The following CAMKMT variants were observed in gnomAD, a reference collection of about 807,000 sequenced individuals.
CAMKMT encodes the protein calmodulin-lysine N-methyltransferase, also known as CaM KMT.
In CAMKMT, 53 loss-of-function variants were observed where a neutral mutation model predicts 48.0. The observed-to-expected ratio is 1.10, with a 90% CI of 0.89 to 1.39. The LOEUF is 1.39. Ranked by LOEUF, CAMKMT falls within the 40% of genes most tolerant of loss-of-function variation. CAMKMT has a pLI of 0.00. For synonymous variants in CAMKMT, 165 were observed against 152.3 expected (o/e 1.08, Z -0.61); for missense variants, 428 against 402.7 (o/e 1.06, Z -0.54).
chr2:44,728,000 G>A (rs1678881968), intron 7 of CAMKMT, among the ~76,000 whole-genome samples: 1 of 152,204 alleles, frequency 6.6e-6, no homozygotes, highest in Non-Finnish European at 1.5e-5. Flanking sequence ...ATGGCTCACA[G>A]CAGCCTCAAC....
intron 3 of CAMKMT, among the ~76,000 whole-genome samples, chr2:44,443,044 G>A (rs1666767856): frequency 6.6e-6 from 1 of 152,130 alleles, no homozygotes; most frequent in Non-Finnish European, 1.5e-5. Flanking sequence ...AGATTTTAGA[G>A]CTTAGGAAAT....
chr2:44,674,301 G>A (rs1374995221), intron 3 of CAMKMT, among the ~76,000 whole-genome samples: 3 of 152,146 alleles, frequency 2.0e-5, no homozygotes, highest in Admixed American at 2.0e-4. Flanking sequence ...TTTGTATTTT[G>A]ATATTATAAA....
chr2:44,433,503 T>C (rs72806822), intron 3 of CAMKMT, among the ~76,000 whole-genome samples: 95 of 152,292 alleles, frequency 6.2e-4, no homozygotes, highest in Middle Eastern at 6.8e-3. Context: ...ATGTTTCTTA[T>C]AAGAAAAATG....
intron 3 of CAMKMT, among the ~76,000 whole-genome samples, chr2:44,550,965 C>T (rs189182437): frequency 4.1e-4 from 62 of 152,266 alleles, no homozygotes; most frequent in African/African-American, 1.4e-3. Context: ...ACCTAAACTT[C>T]TGTACACAAT....
intron 9 of CAMKMT, among the ~76,000 whole-genome samples, chr2:44,758,066 CTT>C (rs1680457590): frequency 6.6e-6 from 1 of 152,240 alleles, no homozygotes; most frequent in African/African-American, 2.4e-5. Context: ...GAAGATGACA[CTT>C]TACTATAGAC....
At chr2:44,511,456 T>G (rs997988176) in intron 3 of CAMKMT, among the ~76,000 whole-genome samples, 3 of 151,996 alleles carry the variant, frequency 2.0e-5, no homozygotes, top group Non-Finnish European at 4.4e-5. Flanking sequence ...GCCTGGCTAA[T>G]TTTTGTATTT....
At chr2:44,581,867 C>T (rs375508380) in intron 3 of CAMKMT, among the ~76,000 whole-genome samples, 9 of 152,140 alleles carry the variant, frequency 5.9e-5, no homozygotes, top group East Asian at 1.9e-4. Flanking sequence ...GGCGTGGTGC[C>T]GCGCGCCTGT....
chr2:44,479,452 T>A lies in CAMKMT; in HGVS notation c.376+89147T>A, dbSNP rs112548716. Among the ~76,000 whole-genome samples the A allele has an allele frequency of 2.2e-3, 328 of 152,322 alleles. No homozygotes were observed. The Middle Eastern group carries it at 0.027, about 13-fold the overall frequency. ...TAGCAACTTTAGATTCAGGCGGAAG[T>A]TGGAGTTTATTTTACAAAACATGAA... On this transcript the variant is annotated intron_variant, in intron 3 of 10. Transcript: ENST00000378494.
intron 3 of CAMKMT, among the ~76,000 whole-genome samples, chr2:44,646,592 TA>T (rs1344834197): frequency 6.6e-6 from 1 of 152,222 alleles, no homozygotes; most frequent in African/African-American, 2.4e-5. Context: ...CACTTTATAC[TA>T]AGGTGAACAT....
intron 9 of CAMKMT, among the ~76,000 whole-genome samples, chr2:44,758,781 A>T (rs1166876440): frequency 6.6e-6 from 1 of 152,160 alleles, no homozygotes; most frequent in East Asian, 1.9e-4. Flanking sequence ...GAGGACCCAA[A>T]CGTAATTTAA....
At position 44,715,982 on chromosome 2, in the gene CAMKMT, G is replaced by C. The variant is rs115934298; in HGVS notation, c.623+629G>C. Among the ~76,000 whole-genome samples, 1,130 of 152,276 alleles carry C rather than the reference G, an allele frequency of 7.4e-3. 16 individuals are homozygous for C. Among genetic ancestry groups the C allele is most frequent in the African/African-American group, 0.026 (1,067 of 41,558 alleles). On this transcript the variant is annotated intron_variant, in intron 7 of 10. Coordinates refer to ENST00000378494, the MANE Select transcript of CAMKMT (RefSeq NM_024766.5). Reference sequence around the variant, plus strand: ...AATTCTTATACAAACTAGGAGGAATGCTTGCTCTTAGCCACAACAATGGTG... The same window carrying C: ...AATTCTTATACAAACTAGGAGGAATCCTTGCTCTTAGCCACAACAATGGTG...
At chr2:44,700,824 A>G (rs1331751083) in intron 3 of CAMKMT, among the ~76,000 whole-genome samples, 1 of 152,340 alleles carries the variant, frequency 6.6e-6, no homozygotes, top group African/African-American at 2.4e-5. Context: ...GCACCAATGG[A>G]CTTGCTCGGT....
At chr2:44,728,212 C>A (rs1305587196) in intron 7 of CAMKMT, among the ~76,000 whole-genome samples, 1 of 152,194 alleles carries the variant, frequency 6.6e-6, no homozygotes, top group African/African-American at 2.4e-5. Flanking sequence ...AGGCGTGATC[C>A]AGTGCACCTG....
chr2:44,577,698 G>A (rs1160064985), intron 3 of CAMKMT, among the ~76,000 whole-genome samples: 13 of 151,514 alleles, frequency 8.6e-5, no homozygotes, highest in African/African-American at 1.9e-4. Context: ...AGAGGGAGAC[G>A]GAGAGGGAGA....
At chr2:44,768,670 C>A (rs1020974460) in intron 10 of CAMKMT, among the ~76,000 whole-genome samples, 2 of 152,160 alleles carry the variant, frequency 1.3e-5, no homozygotes, top group African/African-American at 4.8e-5. Context: ...CCTGCCCGCC[C>A]GCCCGGGGCT....
rs1465151894 is a variant in CAMKMT at position 44,654,164 on chromosome 2, G to T, written c.377-50119G>T. Among the ~76,000 whole-genome samples the T allele has an allele frequency of 2.6e-5, 4 of 152,196 alleles. No homozygotes were observed. The East Asian group carries it at 7.7e-4, about 29-fold the overall frequency. On this transcript the variant is annotated intron_variant, in intron 3 of 10. Transcript: ENST00000378494. ...ATCTTAGCCTAAACATTTCAAATAGGATTCCTGTAAATTTCCAAGGTAAAT... is the reference window on the plus strand; with the variant it reads ...ATCTTAGCCTAAACATTTCAAATAGTATTCCTGTAAATTTCCAAGGTAAAT...
intron 3 of CAMKMT, among the ~76,000 whole-genome samples, chr2:44,695,975 C>G (rs1001145353): frequency 6.6e-6 from 1 of 152,092 alleles, no homozygotes; most frequent in African/African-American, 2.4e-5. Context: ...CAGGGTCTCA[C>G]TCTGTCACCC....
intron 3 of CAMKMT, among the ~76,000 whole-genome samples, chr2:44,651,879 A>G (rs1464432673): frequency 1.3e-5 from 2 of 152,240 alleles, no homozygotes; most frequent in Non-Finnish European, 2.9e-5. Context: ...TGGGAAAAAA[A>G]ATAATTTTGC....
At position 44,440,240 on chromosome 2, in the gene CAMKMT, G is replaced by A. The variant is rs199824080; in HGVS notation, c.376+49935G>A. 1.4e-4 allele frequency among the ~76,000 whole-genome samples: 21 copies of A among 152,232 alleles called. No homozygotes were observed. In the South Asian group the frequency reaches 1.5e-3, roughly 11 times the overall value. ...CCATGATTTCCTTGAGTTTCCTGAGGTTCTAAAAGCCAACTTGGGCTCTTG... is the reference window on the plus strand; with the variant it reads ...CCATGATTTCCTTGAGTTTCCTGAGATTCTAAAAGCCAACTTGGGCTCTTG... On this transcript the variant is annotated intron_variant, in intron 3 of 10. Transcript: ENST00000378494.
Sources: allele counts gnomAD v4.1 joint callset (sites outside exome capture counted in the v4.1 genomes callset), GRCh38; gene constraint gnomAD v4.1.1; transcripts MANE v1.5; gene names NCBI Gene and HGNC (gene_info 2026-07-23, HGNC 2026-07-21).